TPGS2: variants seen among roughly 807,000 people sequenced by gnomAD.
TPGS2 encodes the protein polyglutamylase subunit 2.
TPGS2 carries 26 observed loss-of-function variants against 31.1 expected under a neutral mutation model. That is an observed-to-expected ratio of 0.84 (90% CI 0.61 to 1.16). The LOEUF is 1.16. Ranked by LOEUF, TPGS2 falls within the 50% of genes most tolerant of loss-of-function variation. The probability of loss-of-function intolerance (pLI) is 0.00; values close to 1 mark genes in which losing one functional copy is unlikely to be tolerated. For synonymous variants in TPGS2, 130 were observed against 136.6 expected, an observed-to-expected ratio of 0.95 and a Z score of 0.34; for missense variants, 351 against 363.8, an observed-to-expected ratio of 0.96 and a Z score of 0.29.
chr18:36,823,457 C>CTTTTTTTTTTTTTTTT (rs1193182256), intron 1 of TPGS2, among the ~76,000 whole-genome samples: 3 of 107,112 alleles, frequency 2.8e-5, no homozygotes, highest in African/African-American at 5.0e-5. Context: ...TTGTTAACAG[C>CTTTTTTTTTTTTTTTT]TTGTTTTTTT....
At chr18:36,797,520 T>G (rs894488740) in intron 6 of TPGS2, among the ~76,000 whole-genome samples, 4 of 150,226 alleles carry the variant, frequency 2.7e-5, no homozygotes, top group African/African-American at 9.8e-5. Context: ...TCCTACTGTT[T>G]TTTTTTTTTG....
chr18:36,814,539 C>T (rs938373378), intron 2 of TPGS2, among the ~76,000 whole-genome samples: 4 of 152,110 alleles, frequency 2.6e-5, no homozygotes, highest in African/African-American at 9.7e-5. Context: ...TACACCTGGA[C>T]GAGTCCTTCA....
chr18:36,828,407 C>T (rs913511326), intron 1 of TPGS2, among the ~76,000 whole-genome samples: 1 of 152,286 alleles, frequency 6.6e-6, no homozygotes, highest in East Asian at 1.9e-4. Context: ...TCCCTTTGCA[C>T]GTCTCTGCCC....
chr18:36,819,058 C>G, intron 1 of TPGS2, 85 bp from the exon 2 acceptor site: 1 of 1,105,840 alleles, frequency 9.0e-7, no homozygotes, highest in Non-Finnish European at 1.4e-6. Flanking sequence ...CTGTTGATGA[C>G]TGCTCTTAAG....
chr18:36,785,845 A>G (rs2044113648), intron 6 of TPGS2, among the ~76,000 whole-genome samples: 1 of 152,192 alleles, frequency 6.6e-6, no homozygotes, highest in African/African-American at 2.4e-5. Context: ...AGAGGAAACT[A>G]TTTCTTATAA....
chr18:36,813,728 TAGA>T (rs1176736524), intron 2 of TPGS2, among the ~76,000 whole-genome samples: 1 of 152,200 alleles, frequency 6.6e-6, no homozygotes, highest in Admixed American at 6.5e-5. Context: ...GCTAAATAGC[TAGA>T]AGGAGATATA....
Position 36,795,098 on chromosome 18 carries a change from A to T in TPGS2, c.*1707T>A. On this transcript the variant is annotated 3_prime_UTR_variant, in exon 7 of 7. Coordinates refer to ENST00000334295, the MANE Select transcript of TPGS2 (RefSeq NM_015476.4). ...CCTGATCCTTGAAGGCTAACTCTTC[A>T]CCTTGGTTTTCCTCAGGGGCTATGG... 1 of 985,438 alleles carries T rather than the reference A, an allele frequency of 1.0e-6. No individual in the cohort carries two copies. The highest frequency in any genetic ancestry group is 1.2e-6 in the Non-Finnish European group (1 of 829,934). The allele number at this position is 985,438 out of a possible 1,614,324, so 61.0% of individuals were successfully genotyped here.
In TPGS2 at chr18:36,794,401, T is replaced by C. The variant is rs2044426823; in HGVS notation, c.*2404A>G. On this transcript the variant is annotated 3_prime_UTR_variant, in exon 7 of 7. Coordinates refer to ENST00000334295, the MANE Select transcript of TPGS2 (RefSeq NM_015476.4). ...TGATAGCCTTTTGAGAACTCCCACT[T>C]GATTGCCACAGATTTGAGTGACACC... The C allele has an allele frequency of 3.0e-6, 3 of 985,506 alleles. No individual in the cohort carries two copies. The South Asian group carries it at 1.4e-4, about 46-fold the overall frequency. 61.0% of individuals were successfully genotyped at this position (985,506 alleles called of 1,614,324 possible).
intron 6 of TPGS2, among the ~76,000 whole-genome samples, chr18:36,783,607 A>AC (rs1247718728): frequency 6.6e-6 from 1 of 152,198 alleles, no homozygotes; most frequent in Non-Finnish European, 1.5e-5. Context: ...TCCATTGTTA[A>AC]CACAGTGCAG....
In TPGS2 at chr18:36,828,869, G is replaced by A. The variant is rs545755263; in HGVS notation, c.-102C>T. On this transcript the variant is annotated 5_prime_UTR_variant, in exon 1 of 7. Coordinates refer to ENST00000334295, the MANE Select transcript of TPGS2 (RefSeq NM_015476.4). ...TGGCATGCCGGGAACGGTAGTTCTCGGCGCCTGAAAGCGCGGCGCAGTGAT... is the reference window on the plus strand; with the variant it reads ...TGGCATGCCGGGAACGGTAGTTCTCAGCGCCTGAAAGCGCGGCGCAGTGAT... 1.7e-4 allele frequency: 238 copies of A among 1,429,204 alleles called. No homozygotes were observed. In the African/African-American group the frequency reaches 2.8e-3, roughly 17 times the overall value. The allele number at this position is 1,429,204 out of a possible 1,614,324, so 88.5% of individuals were successfully genotyped here.
intron 2 of TPGS2, among the ~76,000 whole-genome samples, chr18:36,817,940 G>A (rs1340356652): frequency 6.6e-6 from 1 of 152,194 alleles, no homozygotes; most frequent in Non-Finnish European, 1.5e-5. Context: ...GTCCTTTCAA[G>A]TATAAATCTA....
Position 36,795,211 on chromosome 18 carries a change from CA to C in TPGS2, c.*1593del. 1.0e-6 allele frequency: 1 copy of C among 985,376 alleles called. No individual in the cohort carries two copies. Among genetic ancestry groups the C allele is most frequent in the Non-Finnish European group, 1.2e-6 (1 of 829,938 alleles). 61.0% of individuals were successfully genotyped at this position (985,376 alleles called of 1,614,324 possible). ...CAATCAAAATAAACATGTTTCAGAGCAAAAGTGCATGTGGAGAATCCTGTGG... is the reference window on the plus strand; with the variant it reads ...CAATCAAAATAAACATGTTTCAGAGCAAAGTGCATGTGGAGAATCCTGTGG... On this transcript the variant is annotated 3_prime_UTR_variant, in exon 7 of 7. Transcript: ENST00000334295.
intron 4 of TPGS2, among the ~76,000 whole-genome samples, chr18:36,804,460 C>T (rs1008491964): frequency 2.0e-4 from 31 of 152,244 alleles, no homozygotes; most frequent in Admixed American, 2.0e-3. Context: ...CTTTTTCCTA[C>T]CCCTGGAAAT....
intron 1 of TPGS2, among the ~76,000 whole-genome samples, chr18:36,822,557 G>C (rs889134323): frequency 6.6e-6 from 1 of 152,150 alleles, no homozygotes; most frequent in African/African-American, 2.4e-5. Flanking sequence ...GGTTTTGTGA[G>C]TCAGGTTTAA....
In TPGS2 at chr18:36,795,487, G is replaced by A. The variant is rs2044486258; in HGVS notation, c.*1318C>T. Reference sequence around the variant, plus strand: ...CCACCCAAAGAACTTGGGGCTAGGTGGGTGACTCCCCACTTTCCCTGTTGG... The same window carrying A: ...CCACCCAAAGAACTTGGGGCTAGGTAGGTGACTCCCCACTTTCCCTGTTGG... On this transcript the variant is annotated 3_prime_UTR_variant, in exon 7 of 7. Transcript: ENST00000334295. 1 of 985,302 alleles carries A rather than the reference G, an allele frequency of 1.0e-6. No homozygotes were observed. The highest frequency in any genetic ancestry group is 1.7e-5 in the African/African-American group (1 of 57,234). 61.0% of individuals were successfully genotyped at this position (985,302 alleles called of 1,614,324 possible). A position where few individuals can be genotyped will look rare whatever the true frequency, so the allele number is the denominator to read the frequency against.
In TPGS2 at chr18:36,818,892, A is replaced by G; in HGVS notation, c.165+2T>C. 6.2e-7 allele frequency: 1 copy of G among 1,613,328 alleles called. No homozygotes were observed. Among genetic ancestry groups the G allele is most frequent in the South Asian group, 1.1e-5 (1 of 90,988 alleles). On this transcript the variant is annotated splice_donor_variant, in intron 2 of 6. Transcript: ENST00000334295. LOFTEE classifies it high-confidence loss of function. Reference sequence around the variant, plus strand: ...AGGTAGAGTTCATGTGGCAACACTTACTTGTTCCCAGGAAGAAATCATATG... The same window carrying G: ...AGGTAGAGTTCATGTGGCAACACTTGCTTGTTCCCAGGAAGAAATCATATG...
chr18:36,783,326 A>T (rs1242443308), intron 6 of TPGS2, among the ~76,000 whole-genome samples: 2 of 152,172 alleles, frequency 1.3e-5, no homozygotes, highest in African/African-American at 4.8e-5. Context: ...ATAGTACCTT[A>T]CACTTGTAAG....
In TPGS2 at chr18:36,788,409, T is replaced by C. The variant is rs151162886; in HGVS notation, c.658-5278A>G. The stretch of plus-strand genomic sequence containing the variant: ...CAAGTACCATCCATATCACCGTCTC[T>C]GTCCCATGAGATGGCCTCGTTTTCA... On this transcript the variant is annotated intron_variant, in intron 6 of 6. Transcript: ENST00000587129. Among the ~76,000 whole-genome samples, 173 of 152,334 alleles carry C rather than the reference T, an allele frequency of 1.1e-3. 2 individuals carry two copies. In the Middle Eastern group the frequency reaches 0.027, roughly 24 times the overall value.
At chr18:36,792,006 C>T (rs1040595152), downstream of TPGS2, among the ~76,000 whole-genome samples, 12 of 128,450 alleles carry the variant, frequency 9.3e-5, no homozygotes, top group Admixed American at 2.7e-4. Context: ...CCAGCCTGGG[C>T]AACAGAGTGA....
Sources: gnomAD v4.1 joint callset for allele counts (sites outside exome capture counted in the v4.1 genomes callset) on GRCh38, gnomAD v4.1.1 for gene constraint, MANE v1.5 for transcripts, NCBI Gene and HGNC (gene_info 2026-07-23, HGNC 2026-07-21) for gene names.